SMYD3: variants seen among roughly 807,000 people sequenced by gnomAD.
SMYD3 encodes histone-lysine N-methyltransferase SMYD3.
In SMYD3, 36 loss-of-function variants were observed where a neutral mutation model predicts 57.7. The observed-to-expected ratio is 0.62, with a 90% CI of 0.48 to 0.82. SMYD3 has a LOEUF of 0.82. Among genes scored for constraint, SMYD3 ranks in the 40% least tolerant of loss-of-function variants. The probability of loss-of-function intolerance (pLI) is 0.00; values close to 1 mark genes in which losing one functional copy is unlikely to be tolerated. For missense variants in SMYD3, 515 were observed against 538.8 expected (o/e 0.96, Z 0.44); for synonymous variants, 211 against 195.0 (o/e 1.08, Z -0.68).
intron 5 of SMYD3, among the ~76,000 whole-genome samples, chr1:245,993,135 T>C (rs1028027307): frequency 9.9e-5 from 15 of 152,234 alleles, no homozygotes; most frequent in African/African-American, 3.4e-4. Context: ...ATGTTCCAGA[T>C]ACTGTTTGAA....
At chr1:246,073,673 C>T (rs879451993) in intron 5 of SMYD3, among the ~76,000 whole-genome samples, 4 of 152,092 alleles carry the variant, frequency 2.6e-5, no homozygotes, top group African/African-American at 9.7e-5. Context: ...GCCAAGATCA[C>T]GCCACGGTAC....
At chr1:246,184,088 A>G (rs918324995) in intron 5 of SMYD3, among the ~76,000 whole-genome samples, 1 of 152,240 alleles carries the variant, frequency 6.6e-6, no homozygotes, top group Non-Finnish European at 1.5e-5. Context: ...ACAAAAGATC[A>G]GGTTGTATTT....
chr1:246,209,999 AC>A (rs1253755757), intron 5 of SMYD3, among the ~76,000 whole-genome samples: 27 of 152,218 alleles, frequency 1.8e-4, no homozygotes, highest in African/African-American at 6.3e-4. Context: ...TAATTCTTCG[AC>A]TTCAGTATTT....
At chr1:246,013,928 T>C (rs987343749) in intron 5 of SMYD3, among the ~76,000 whole-genome samples, 1 of 152,140 alleles carries the variant, frequency 6.6e-6, no homozygotes, top group African/African-American at 2.4e-5. Context: ...TATTGTTTTA[T>C]AAATAGAAAA....
chr1:246,006,888 C>A (rs12732362), intron 5 of SMYD3, among the ~76,000 whole-genome samples: 87,370 of 151,984 alleles, frequency 0.57, 27,540 homozygotes, highest in Non-Finnish European at 0.72. Flanking sequence ...AACATGAAAA[C>A]CAATTAGCAC....
At chr1:246,102,748 A>AT (rs2061037968) in intron 5 of SMYD3, among the ~76,000 whole-genome samples, 1 of 150,762 alleles carries the variant, frequency 6.6e-6, no homozygotes, top group African/African-American at 2.4e-5. Context: ...GCTCTCAAAA[A>AT]AAAAAAAAAT....
chr1:246,327,059 A>T, intron 5 of SMYD3, 142 bp downstream of exon 5: 1 of 938,924 alleles, frequency 1.1e-6, no homozygotes, highest in Non-Finnish European at 1.7e-6. Context: ...CTCATGCTCT[A>T]CTCACTATGA....
chr1:245,859,259 C>T (rs1215988041), intron 9 of SMYD3, among the ~76,000 whole-genome samples: 3 of 152,238 alleles, frequency 2.0e-5, no homozygotes, highest in Non-Finnish European at 4.4e-5. Flanking sequence ...GCAACAGTGA[C>T]CCCAGCCTGT....
At chr1:245,749,734 C>T (rs1356444413) in intron 11 of SMYD3, 70 bp from the exon 12 acceptor site, 3 of 1,224,190 alleles carry the variant, frequency 2.5e-6, no homozygotes, top group Non-Finnish European at 3.6e-6. Context: ...CCACCTTTAC[C>T]CCATGATGCC....
chr1:246,267,165 T>G (rs1239207468), intron 5 of SMYD3, among the ~76,000 whole-genome samples: 5 of 152,206 alleles, frequency 3.3e-5, no homozygotes, highest in Non-Finnish European at 7.3e-5. Context: ...TAAATGTGCA[T>G]AGCCTGAATA....
chr1:245,903,488 C>T (rs2054332353), intron 8 of SMYD3, among the ~76,000 whole-genome samples: 2 of 152,140 alleles, frequency 1.3e-5, no homozygotes, highest in African/African-American at 4.8e-5. Context: ...TAACAACTAT[C>T]CACACAGAAA....
Position 245,907,556 on chromosome 1 carries a change from C to T in SMYD3, c.813+7974G>A, listed in dbSNP as rs190828498. Among the ~76,000 whole-genome samples the T allele has an allele frequency of 2.2e-3, 341 of 152,038 alleles. 2 individuals are homozygous for T. Among genetic ancestry groups the T allele is most frequent in the African/African-American group, 7.8e-3 (325 of 41,464 alleles). ...AGAGAACTCACTGATAGAACAGATA[C>T]GCAAATGGGAAAAAGAAGGGAATCA... On this transcript the variant is annotated intron_variant, in intron 8 of 11. Transcript: ENST00000490107.
At chr1:246,422,892 T>C (rs1280183940) in intron 1 of SMYD3, among the ~76,000 whole-genome samples, 3 of 152,184 alleles carry the variant, frequency 2.0e-5, no homozygotes. Context: ...CCAGGCACTG[T>C]TCTAGAGGAT....
intron 1 of SMYD3, among the ~76,000 whole-genome samples, chr1:246,416,274 T>C: frequency 1.3e-5 from 2 of 152,196 alleles, no homozygotes; most frequent in South Asian, 2.1e-4. Flanking sequence ...CTAATCAATT[T>C]ATAGGTTGGA....
intron 10 of SMYD3, among the ~76,000 whole-genome samples, chr1:245,846,447 A>G (rs2050670357): frequency 6.6e-6 from 1 of 152,218 alleles, no homozygotes. Flanking sequence ...TAGTGTAGTA[A>G]TAGTTTATAC....
chr1:246,058,564 G>A (rs1326788755), intron 5 of SMYD3, among the ~76,000 whole-genome samples: 16 of 151,948 alleles, frequency 1.1e-4, no homozygotes, highest in Admixed American at 1.0e-3. Context: ...CTCTTTCTAG[G>A]GAAATAAAAA....
intron 10 of SMYD3, among the ~76,000 whole-genome samples, chr1:245,799,144 T>G (rs567484139): frequency 6.6e-6 from 1 of 152,290 alleles, no homozygotes; most frequent in Non-Finnish European, 1.5e-5. Context: ...CAGCTCCTTA[T>G]TCCTATTAGG....
At chr1:245,823,112 A>AC (rs1306171396) in intron 10 of SMYD3, among the ~76,000 whole-genome samples, 16 of 152,204 alleles carry the variant, frequency 1.1e-4, no homozygotes, top group Non-Finnish European at 7.3e-5. Context: ...GGTGTGAAAT[A>AC]TAGTAAGATA....
At chr1:246,144,781 T>C (rs941070473) in intron 5 of SMYD3, among the ~76,000 whole-genome samples, 1 of 152,212 alleles carries the variant, frequency 6.6e-6, no homozygotes, top group Non-Finnish European at 1.5e-5. Context: ...CTGCTGACTT[T>C]AATGGAAAGA....
Sources: allele counts gnomAD v4.1 joint callset (sites outside exome capture counted in the v4.1 genomes callset), GRCh38; gene constraint gnomAD v4.1.1; transcripts MANE v1.5; gene names NCBI Gene and HGNC (gene_info 2026-07-23, HGNC 2026-07-21).